The following INPP4B variants were observed in gnomAD, a reference collection of about 807,000 sequenced individuals.
INPP4B encodes inositol polyphosphate-4-phosphatase type II B, also known as inositol polyphosphate 4-phosphatase type II.
INPP4B carries 55 observed loss-of-function variants against 122.5 expected under a neutral mutation model. That is an observed-to-expected ratio of 0.45 (90% CI 0.36 to 0.56). The LOEUF is 0.56. Ranked by LOEUF, INPP4B falls within the 20% of genes least tolerant of loss-of-function variation. The pLI, the probability that INPP4B is intolerant of heterozygous loss-of-function variation, is 0.00. For missense variants in INPP4B, 1,000 were observed against 1,097.7 expected (o/e 0.91, Z 1.26); for synonymous variants, 403 against 388.7 (o/e 1.04, Z -0.43).
chr4:142,310,087 T>C (rs1394863820), intron 8 of INPP4B, among the ~76,000 whole-genome samples: 4 of 152,062 alleles, frequency 2.6e-5, no homozygotes, highest in East Asian at 1.9e-4. Context: ...ACCTCCATCA[T>C]TCATATCCTT....
chr4:142,251,035 T>G (rs1224142887), intron 11 of INPP4B, among the ~76,000 whole-genome samples: 1 of 152,184 alleles, frequency 6.6e-6, no homozygotes, highest in Non-Finnish European at 1.5e-5. Context: ...TTCCAACACT[T>G]ATGCCTTACA....
chr4:142,683,369 G>A (rs2150691619), intron 2 of INPP4B, among the ~76,000 whole-genome samples: 1 of 151,880 alleles, frequency 6.6e-6, no homozygotes, highest in East Asian at 2.0e-4. Flanking sequence ...GGAGGTCACT[G>A]GTGTACAAAA....
At chr4:142,053,829 ACTCCAGTGACCATT>A (rs1755994882) in intron 25 of INPP4B, among the ~76,000 whole-genome samples, 1 of 151,978 alleles carries the variant, frequency 6.6e-6, no homozygotes, top group South Asian at 2.1e-4. Flanking sequence ...GGTGACATAG[ACTCCAGTGACCATT>A]CTCTAATCCA....
intron 7 of INPP4B, among the ~76,000 whole-genome samples, chr4:142,391,104 A>G (rs994900178): frequency 1.3e-5 from 2 of 152,202 alleles, no homozygotes; most frequent in African/African-American, 2.4e-5. Context: ...ACTTTGCCAG[A>G]TTTTCATACT....
intron 2 of INPP4B, among the ~76,000 whole-genome samples, chr4:142,564,154 A>G (rs1731075207): frequency 6.6e-6 from 1 of 152,210 alleles, no homozygotes; most frequent in Admixed American, 6.5e-5. Context: ...AATAGGAACT[A>G]TGTGCAAGCA....
At position 142,517,052 on chromosome 4, in the gene INPP4B, G is replaced by T. The variant is rs752377962; in HGVS notation, c.-190-54326C>A. On this transcript the variant is annotated intron_variant, in intron 2 of 25. Transcript: ENST00000262992. ...AATCTGGGCAAAGCATTAATTTCTT[G>T]ATCTAGTTTGCATATGACTAGACAA... Among the ~76,000 whole-genome samples, 95 of 151,064 alleles carry T rather than the reference G, an allele frequency of 6.3e-4. 1 individual carries two copies. The highest frequency in any genetic ancestry group is 7.8e-4 in the Non-Finnish European group (53 of 67,902).
At chr4:142,571,569 A>T (rs1732832236) in intron 2 of INPP4B, among the ~76,000 whole-genome samples, 1 of 152,126 alleles carries the variant, frequency 6.6e-6, no homozygotes, top group Non-Finnish European at 1.5e-5. Flanking sequence ...ACATGTCCTC[A>T]GTCTTTATAA....
chr4:142,435,880 T>A (rs2149403718), intron 3 of INPP4B, among the ~76,000 whole-genome samples: 1 of 152,168 alleles, frequency 6.6e-6, no homozygotes, highest in Admixed American at 6.5e-5. Flanking sequence ...TCTGCCTAAG[T>A]CAGCCAGGTT....
chr4:142,317,360 C>T, intron 7 of INPP4B: 1 of 342,192 alleles, frequency 2.9e-6, no homozygotes, highest in South Asian at 2.9e-5. Flanking sequence ...GGCTTCAAGG[C>T]AGATTACATG....
chr4:142,154,164 T>G (rs1286442778), intron 17 of INPP4B, among the ~76,000 whole-genome samples: 1 of 151,910 alleles, frequency 6.6e-6, no homozygotes, highest in African/African-American at 2.4e-5. Context: ...CTCCTCCTTT[T>G]AAGATTAACA....
chr4:142,062,776 G>A (rs62328182), intron 25 of INPP4B, among the ~76,000 whole-genome samples: 102 of 108,674 alleles, frequency 9.4e-4, no homozygotes, highest in Middle Eastern at 4.7e-3. Context: ...CAAACAAACA[G>A]ACAAACAAAC....
At chr4:142,716,851 C>T (rs1763839027) in intron 2 of INPP4B, among the ~76,000 whole-genome samples, 1 of 152,164 alleles carries the variant, frequency 6.6e-6, no homozygotes. Context: ...AGTTCTGAAC[C>T]TTGGGCCTCA....
intron 4 of INPP4B, among the ~76,000 whole-genome samples, chr4:142,430,269 TTTCAAGAGAGGTTAAAGTG>T (rs1809015432): frequency 6.6e-6 from 1 of 152,124 alleles, no homozygotes; most frequent in African/African-American, 2.4e-5. Flanking sequence ...ATTTTAGATT[TTTCAAGAGAGGTTAAAGTG>T]ACAATCATTA....
At chr4:142,090,232 T>G (rs937822997) in intron 23 of INPP4B, among the ~76,000 whole-genome samples, 1 of 152,172 alleles carries the variant, frequency 6.6e-6, no homozygotes, top group Non-Finnish European at 1.5e-5. Flanking sequence ...ACAGGCATGA[T>G]GTCTCATGGA....
chr4:142,643,201 A>T (rs1406006267), intron 2 of INPP4B, among the ~76,000 whole-genome samples: 1 of 152,198 alleles, frequency 6.6e-6, no homozygotes, highest in Non-Finnish European at 1.5e-5. Flanking sequence ...ATATACAATC[A>T]TGCCATCTGC....
chr4:142,411,983 C>T (rs1271667601), intron 5 of INPP4B, among the ~76,000 whole-genome samples: 1 of 152,134 alleles, frequency 6.6e-6, no homozygotes, highest in Non-Finnish European at 1.5e-5. Context: ...ACATCATTTC[C>T]CTAAGGATGT....
chr4:142,643,733 TA>T (rs1332589955), intron 2 of INPP4B, among the ~76,000 whole-genome samples: 1 of 152,146 alleles, frequency 6.6e-6, no homozygotes, highest in African/African-American at 2.4e-5. Flanking sequence ...ACTTAATAGC[TA>T]ATTGGGCAGA....
intron 1 of INPP4B, among the ~76,000 whole-genome samples, chr4:142,744,149 CT>C (rs2150927226): frequency 6.6e-6 from 1 of 151,736 alleles, no homozygotes; most frequent in African/African-American, 2.4e-5. Flanking sequence ...CAAATAGAAA[CT>C]CTATAATGGA....
At chr4:142,582,962 G>C (rs1735409337) in intron 2 of INPP4B, among the ~76,000 whole-genome samples, 1 of 152,096 alleles carries the variant, frequency 6.6e-6, no homozygotes, top group African/African-American at 2.4e-5. Flanking sequence ...AAAAATTAAT[G>C]ACAATTTATA....
Sources: allele counts gnomAD v4.1 joint callset (sites outside exome capture counted in the v4.1 genomes callset), GRCh38; gene constraint gnomAD v4.1.1; transcripts MANE v1.5; gene names NCBI Gene and HGNC (gene_info 2026-07-23, HGNC 2026-07-21).